Variants in SLC2A13 observed in about 807,000 individuals in gnomAD.
The protein encoded by SLC2A13 is proton myo-inositol cotransporter.
A neutral mutation model predicts 64.4 loss-of-function variants in SLC2A13; 32 were observed. The observed-to-expected ratio is 0.50, with a 90% CI of 0.37 to 0.67. The LOEUF (loss-of-function observed/expected upper bound fraction) is 0.67, where lower values mean the gene tolerates loss of function less well. Ranked by LOEUF, SLC2A13 falls within the 30% of genes least tolerant of loss-of-function variation. The pLI, the probability that SLC2A13 is intolerant of heterozygous loss-of-function variation, is 0.00. For synonymous variants in SLC2A13, 338 were observed against 327.1 expected (o/e 1.03, Z -0.36); for missense variants, 743 against 829.2 (o/e 0.90, Z 1.28).
chr12:40,088,218 C>G (rs1055145907), intron 1 of SLC2A13, among the ~76,000 whole-genome samples: 8 of 152,158 alleles, frequency 5.3e-5, no homozygotes, highest in African/African-American at 1.9e-4. Context: ...ATAGACAGTT[C>G]TCACTCAAAA....
chr12:39,896,589 T>C (rs1944921595), intron 4 of SLC2A13, among the ~76,000 whole-genome samples: 1 of 151,208 alleles, frequency 6.6e-6, no homozygotes, highest in South Asian at 2.1e-4. Context: ...TGTATATATG[T>C]ATACATATAT....
At position 39,864,818 on chromosome 12, in the gene SLC2A13, G is replaced by C. The variant is rs747245410; in HGVS notation, c.1263C>G (p.Arg421=). The C allele has an allele frequency of 6.2e-6, 10 of 1,613,916 alleles. No individual in the cohort carries two copies. The African/African-American group carries it at 1.3e-4, about 22-fold the overall frequency. The change falls in exon 6 of 10, where the codon CGC becomes CGG. Residue 421 remains arginine (R), a synonymous_variant. Transcript: ENST00000280871. ...ACGGAGCTATTGGCTTAAAAGTGAT[G>C]CGTGGGGAAACTTGGGCTGATAGCA... is the stretch of plus-strand genomic sequence containing the variant. ...GFVLSAQVSP[R]ITFKPIAPSG...
chr12:40,083,930 G>A (rs1373879182), intron 1 of SLC2A13, among the ~76,000 whole-genome samples: 2 of 151,866 alleles, frequency 1.3e-5, no homozygotes, highest in Non-Finnish European at 2.9e-5. Flanking sequence ...TGGAGAGACA[G>A]GCTGTGGAAG....
At chr12:40,070,252 G>A (rs1412445243) in intron 1 of SLC2A13, among the ~76,000 whole-genome samples, 4 of 151,664 alleles carry the variant, frequency 2.6e-5, no homozygotes, top group Non-Finnish European at 5.9e-5. Flanking sequence ...GCTTGATTTG[G>A]TAGATTTCTC....
intron 3 of SLC2A13, among the ~76,000 whole-genome samples, chr12:39,983,959 G>T (rs1204331614): frequency 1.3e-5 from 2 of 150,134 alleles, no homozygotes; most frequent in Non-Finnish European, 3.0e-5. Flanking sequence ...ACTGGATTAA[G>T]AAAATGTGGC....
intron 2 of SLC2A13, among the ~76,000 whole-genome samples, chr12:40,042,461 T>A (rs1316767948): frequency 6.6e-6 from 1 of 152,102 alleles, no homozygotes; most frequent in Non-Finnish European, 1.5e-5. Context: ...GGAGATAAAT[T>A]TTCATAGGCT....
intron 2 of SLC2A13, among the ~76,000 whole-genome samples, chr12:40,042,741 A>G (rs1329590183): frequency 6.6e-6 from 1 of 152,170 alleles, no homozygotes; most frequent in Non-Finnish European, 1.5e-5. Context: ...AATGACATTC[A>G]GGAGTTCCAA....
intron 2 of SLC2A13, among the ~76,000 whole-genome samples, chr12:40,039,335 C>A (rs146623442): frequency 2.1e-4 from 32 of 152,240 alleles, no homozygotes; most frequent in African/African-American, 7.5e-4. Flanking sequence ...AAGTGTGTCT[C>A]TTTAGACAAT....
chr12:39,914,224 T>C (rs73092219), intron 4 of SLC2A13, among the ~76,000 whole-genome samples: 1,665 of 152,148 alleles, frequency 0.011, 51 homozygotes, highest in African/African-American at 0.037. Flanking sequence ...GAGATTTAAA[T>C]AGATTTTTTC....
chr12:39,871,995 T>C (rs1333593277), intron 4 of SLC2A13, 34 bp from the exon 5 acceptor site: 5 of 1,485,554 alleles, frequency 3.4e-6, no homozygotes, highest in Non-Finnish European at 4.5e-6. Flanking sequence ...TTGCTATTGA[T>C]AGTTACCCAA....
intron 3 of SLC2A13, among the ~76,000 whole-genome samples, chr12:39,997,626 C>T (rs1173757541): frequency 2.6e-5 from 4 of 152,172 alleles, no homozygotes; most frequent in Non-Finnish European, 4.4e-5. Flanking sequence ...GTCAAGAGAT[C>T]GAGACCATCC....
rs535958482 is a variant in SLC2A13, at chr12:39,921,678, G to A, written c.1034+29579C>T. Among the ~76,000 whole-genome samples the A allele has an allele frequency of 1.3e-3, 196 of 152,200 alleles. 1 individual carries two copies. The highest frequency in any genetic ancestry group is 4.4e-3 in the African/African-American group (182 of 41,504). ...TTTAGCCATGAGGCAGCATTTAAGC[G>A]AAAACTTAAGTTCAAGTAACCCTAA... On this transcript the variant is annotated intron_variant, in intron 4 of 9. Transcript: ENST00000280871.
At position 39,764,577 on chromosome 12, in the gene SLC2A13, T is replaced by C. The variant is rs1940281391; in HGVS notation, c.1603A>G (p.Ile535Val). The C allele has an allele frequency of 6.2e-7, 1 of 1,608,860 alleles. No individual in the cohort carries two copies. The highest frequency in any genetic ancestry group is 1.1e-5 in the South Asian group (1 of 89,512). Residue 535 changes from isoleucine (I) to valine (V), a missense_variant, in exon 9 of 10, where the codon ATA becomes GTA. Around this residue, in one of 2 missense-constraint regions of SLC2A13, gnomAD observed 295 missense variants for 381.7 expected, o/e 0.77. Transcript: ENST00000280871. ...GTACTTCTTGCCCAAAGGGGATATA[T>C]TTCAGAATTCACAGTCCAAGGCATT... The part of the protein sequence containing the change: ...GPMPWTVNSE[I>V]YPLWARSTGN...
intron 3 of SLC2A13, among the ~76,000 whole-genome samples, chr12:40,017,439 T>A (rs1947638232): frequency 6.6e-6 from 1 of 152,246 alleles, no homozygotes; most frequent in African/African-American, 2.4e-5. Context: ...CTCCCTCTTC[T>A]TTAAGGATTT....
chr12:39,764,437 T>C (rs1364584910), intron 9 of SLC2A13, 23 bp downstream of exon 9: 3 of 1,531,152 alleles, frequency 2.0e-6, no homozygotes, highest in East Asian at 2.3e-5. Context: ...AACAAAACTA[T>C]GTTAGAAAAA....
intron 6 of SLC2A13, among the ~76,000 whole-genome samples, chr12:39,849,299 G>A (rs1360311833): frequency 2.6e-5 from 4 of 152,174 alleles, no homozygotes; most frequent in African/African-American, 4.8e-5. Flanking sequence ...ATTGGTGAAT[G>A]CAGCATTTAG....
At chr12:39,780,131 C>T (rs1270175400) in intron 7 of SLC2A13, among the ~76,000 whole-genome samples, 3 of 152,162 alleles carry the variant, frequency 2.0e-5, no homozygotes, top group Admixed American at 6.5e-5. Flanking sequence ...TACAAAACAC[C>T]ATTCGTATAT....
At chr12:40,063,481 A>G (rs1373974132) in intron 1 of SLC2A13, among the ~76,000 whole-genome samples, 4 of 124,558 alleles carry the variant, frequency 3.2e-5, no homozygotes, top group East Asian at 2.0e-4. Context: ...AAAACTGAAG[A>G]AAAAAAAAAA....
intron 1 of SLC2A13, among the ~76,000 whole-genome samples, chr12:40,054,212 T>C (rs556494224): frequency 1.2e-4 from 19 of 152,300 alleles, no homozygotes; most frequent in African/African-American, 4.1e-4. Context: ...AACTCAAAGA[T>C]GATGATTTGA....
Sources: gnomAD v4.1 joint callset for allele counts (sites outside exome capture counted in the v4.1 genomes callset) on GRCh38, gnomAD v4.1.1 for gene constraint, gnomAD v4.1.1 regional missense constraint, MANE v1.5 for transcripts, NCBI Gene and HGNC (gene_info 2026-07-23, HGNC 2026-07-21) for gene names.